The following SLC36A1 variants were observed in gnomAD, a reference collection of about 807,000 sequenced individuals.
The protein encoded by SLC36A1 is solute carrier family 36 member 1.
Under a neutral mutation model 47.5 loss-of-function variants are expected in SLC36A1, and 30 were observed. That is an observed-to-expected ratio of 0.63 (90% CI 0.47 to 0.86). The LOEUF is 0.86. Ranked by LOEUF, SLC36A1 falls within the 40% of genes least tolerant of loss-of-function variation. The pLI, the probability that SLC36A1 is intolerant of heterozygous loss-of-function variation, is 0.00. For synonymous variants in SLC36A1, 255 were observed against 249.7 expected (o/e 1.02, Z -0.20); for missense variants, 517 against 606.0 (o/e 0.85, Z 1.54).
At chr5:151,514,955 T>C in the SLC36A1 span, among the ~76,000 whole-genome samples, 2 of 152,256 alleles carry the variant, frequency 1.3e-5, no homozygotes, top group African/African-American at 4.8e-5. Flanking sequence ...TTCAAAAATA[T>C]ACCTTCTTTA....
chr5:151,522,038 C>T, the SLC36A1 span: 4 of 1,609,346 alleles, frequency 2.5e-6, no homozygotes, highest in Non-Finnish European at 3.4e-6. Context: ...GTGACATGGA[C>T]ACGGACAGAC....
At chr5:151,388,616 G>T in the SLC36A1 span, among the ~76,000 whole-genome samples, 13 of 152,210 alleles carry the variant, frequency 8.5e-5, no homozygotes, top group African/African-American at 3.1e-4. Context: ...TGTCTCTTGA[G>T]GGTTGTGTCA....
chr5:151,403,506 G>C, the SLC36A1 span, among the ~76,000 whole-genome samples: 1 of 152,240 alleles, frequency 6.6e-6, no homozygotes, highest in Non-Finnish European at 1.5e-5. Context: ...TGCTCTTTCC[G>C]TGTGACCTGC....
chr5:151,435,907 T>C (rs184170498), upstream of SLC36A1, among the ~76,000 whole-genome samples: 13 of 152,002 alleles, frequency 8.6e-5, no homozygotes, highest in East Asian at 2.5e-3. Context: ...ATCTAAAACA[T>C]AAGAATGCAG....
the SLC36A1 span, chr5:151,542,376 C>G: frequency 6.2e-7 from 1 of 1,614,192 alleles, no homozygotes; most frequent in East Asian, 2.2e-5. Flanking sequence ...GCTCACTGTT[C>G]TCAACCACAG....
At chr5:151,347,026 C>G in the SLC36A1 span, among the ~76,000 whole-genome samples, 1 of 152,204 alleles carries the variant, frequency 6.6e-6, no homozygotes, top group Non-Finnish European at 1.5e-5. Flanking sequence ...TAGCCCTTAT[C>G]CTGCCAATGA....
At chr5:151,476,433 A>G (rs996370977) in intron 8 of SLC36A1, among the ~76,000 whole-genome samples, 157 bp from the exon 9 acceptor site, 2 of 152,256 alleles carry the variant, frequency 1.3e-5, no homozygotes, top group African/African-American at 4.8e-5. Flanking sequence ...TCCCAAGAGC[A>G]TAACGTCTGA....
At chr5:151,392,063 A>G in the SLC36A1 span, among the ~76,000 whole-genome samples, 1 of 152,140 alleles carries the variant, frequency 6.6e-6, no homozygotes, top group African/African-American at 2.4e-5. Flanking sequence ...GCTATTAATT[A>G]TTGCCTCAAT....
At chr5:151,475,467 A>C (rs970007881) in intron 8 of SLC36A1, among the ~76,000 whole-genome samples, 4 of 152,226 alleles carry the variant, frequency 2.6e-5, no homozygotes, top group Non-Finnish European at 1.5e-5. Context: ...TTTTGGATCT[A>C]GGGCTTGTTC....
chr5:151,505,909 G>A, the SLC36A1 span: 95 of 1,590,282 alleles, frequency 6.0e-5, no homozygotes, highest in African/African-American at 1.4e-4. Flanking sequence ...AGAGGTGCCC[G>A]CTTGTTTTCC....
the SLC36A1 span, among the ~76,000 whole-genome samples, chr5:151,522,895 A>G: frequency 6.6e-6 from 1 of 152,188 alleles, no homozygotes; most frequent in Non-Finnish European, 1.5e-5. Flanking sequence ...TTAATGTCAG[A>G]ACTGTGAAAA....
chr5:151,513,491 G>A, the SLC36A1 span, among the ~76,000 whole-genome samples: 1 of 152,168 alleles, frequency 6.6e-6, no homozygotes, highest in East Asian at 1.9e-4. Context: ...ACTAACACAG[G>A]AACAGGAAAT....
the SLC36A1 span, among the ~76,000 whole-genome samples, chr5:151,348,211 T>C: frequency 3.9e-5 from 6 of 152,156 alleles, no homozygotes; most frequent in Non-Finnish European, 2.9e-5. Flanking sequence ...AGGCTGAGAT[T>C]GTATGACTCC....
the SLC36A1 span, among the ~76,000 whole-genome samples, chr5:151,541,207 A>T: frequency 7.2e-5 from 11 of 152,362 alleles, no homozygotes; most frequent in East Asian, 1.9e-3. Context: ...CTGTAGGAGC[A>T]CTAGGGTTTG....
chr5:151,531,654 T>C, the SLC36A1 span: 3 of 1,613,614 alleles, frequency 1.9e-6, no homozygotes, highest in Non-Finnish European at 2.5e-6. This position sits in a 1 kb window ranked among gnomAD's most constrained non-coding sequence, Gnocchi z 5.7. Context: ...CGGTCTTCTC[T>C]GCGCCCGGGC....
At chr5:151,376,458 G>A in the SLC36A1 span, among the ~76,000 whole-genome samples, 1 of 151,752 alleles carries the variant, frequency 6.6e-6, no homozygotes, top group Non-Finnish European at 1.5e-5. Flanking sequence ...TCATTTGTTA[G>A]CTTTGGGTTG....
In SLC36A1 at chr5:151,488,719, A is replaced by C; in HGVS notation, c.*465A>C. On this transcript the variant is annotated 3_prime_UTR_variant, in exon 11 of 11. Coordinates refer to ENST00000243389, the MANE Select transcript of SLC36A1 (RefSeq NM_078483.4). ...GGGCTTCTTTCTCATCTCTCTCCCA[A>C]ATGTTGTATCTCAGTATTCTTCCTA... 6.0e-6 allele frequency: 1 copy of C among 166,506 alleles called. No individual in the cohort carries two copies. The highest frequency in any genetic ancestry group is 1.3e-5 in the Non-Finnish European group (1 of 75,506). The allele number at this position is 166,506 out of a possible 1,614,324, so 10.3% of individuals were successfully genotyped here. A position where few individuals can be genotyped will look rare whatever the true frequency, so the allele number is the denominator to read the frequency against.
At chr5:151,446,621 A>G (rs1404611514), upstream of SLC36A1, among the ~76,000 whole-genome samples, 1 of 151,936 alleles carries the variant, frequency 6.6e-6, no homozygotes, top group Non-Finnish European at 1.5e-5. Flanking sequence ...TCATATTATT[A>G]TGGTCTGAAA....
the SLC36A1 span, among the ~76,000 whole-genome samples, chr5:151,547,380 T>A: frequency 6.6e-6 from 1 of 152,218 alleles, no homozygotes; most frequent in Admixed American, 6.5e-5. Flanking sequence ...GAGTGCTTTC[T>A]CCATGCCCAA....
Sources: allele counts gnomAD v4.1 joint callset (sites outside exome capture counted in the v4.1 genomes callset), GRCh38; gene constraint gnomAD v4.1.1; non-coding constraint Gnocchi (gnomAD v3.1); transcripts MANE v1.5; gene names NCBI Gene and HGNC (gene_info 2026-07-23, HGNC 2026-07-21).